Variants in TEK observed in about 807,000 individuals in gnomAD.
TEK encodes the protein angiopoietin-1 receptor.
Under a neutral mutation model 131.8 loss-of-function variants are expected in TEK, and 43 were observed. The observed-to-expected ratio is 0.33, with a 90% CI of 0.26 to 0.42. The LOEUF (loss-of-function observed/expected upper bound fraction) is 0.42. Among genes scored for constraint, TEK ranks in the 10% least tolerant of loss-of-function variants. The probability of loss-of-function intolerance (pLI) is 1.00; values close to 1 mark genes in which losing one functional copy is unlikely to be tolerated. For synonymous variants in TEK, 580 were observed against 491.6 expected, an observed-to-expected ratio of 1.18 and a Z score of -2.38; for missense variants, 1,162 against 1,384.4, an observed-to-expected ratio of 0.84 and a Z score of 2.55.
chr9:27,214,418 T>A (rs1209119779), intron 18 of TEK, among the ~76,000 whole-genome samples: 4 of 152,176 alleles, frequency 2.6e-5, no homozygotes, highest in African/African-American at 9.7e-5. Flanking sequence ...CATTACTTGG[T>A]CCCAGCTTTC....
intron 1 of TEK, among the ~76,000 whole-genome samples, chr9:27,137,897 G>T (rs576922153): frequency 6.6e-6 from 1 of 152,120 alleles, no homozygotes; most frequent in African/African-American, 2.4e-5. Context: ...GGACCCTTGC[G>T]GTGAGTGTTA....
At chr9:27,153,704 A>T (rs1481631734) in intron 1 of TEK, among the ~76,000 whole-genome samples, 1 of 152,238 alleles carries the variant, frequency 6.6e-6, no homozygotes, top group Non-Finnish European at 1.5e-5. Context: ...TATTAAGCAG[A>T]GAGATTGATA....
chr9:27,173,090 A>C (rs1409461693), intron 5 of TEK, 132 bp from the exon 6 acceptor site: 1 of 1,234,524 alleles, frequency 8.1e-7, no homozygotes, highest in Non-Finnish European at 1.2e-6. Context: ...GGGTATGTTC[A>C]TCCTACCATG....
chr9:27,159,266 C>T (rs1823456829), intron 2 of TEK, among the ~76,000 whole-genome samples: 1 of 152,046 alleles, frequency 6.6e-6, no homozygotes, highest in African/African-American at 2.4e-5. Context: ...TTTTTTGTAC[C>T]ACTGCCATCT....
At chr9:27,114,305 G>C (rs186804915) in intron 1 of TEK, among the ~76,000 whole-genome samples, 10 of 152,322 alleles carry the variant, frequency 6.6e-5, no homozygotes, top group Non-Finnish European at 1.3e-4. Flanking sequence ...AGGCACGTTG[G>C]CTGATGCCTG....
In TEK at chr9:27,192,543, T is replaced by C; in HGVS notation, c.1544T>C (p.Leu515Pro). ...TTGGAACCTCGGACAGAATATGAAC[T>C]CTGTGTGCAACTGGTCCGTCGTGGA... is the stretch of plus-strand genomic sequence containing the variant. ...NYLEPRTEYE[L>P]CVQLVRRGEG... The change falls in exon 11 of 23, where the codon CTC becomes CCC. Residue 515 changes from leucine to proline, a missense_variant. Leu to Pro is a moderately conservative substitution (Grantham distance 98, BLOSUM62 -3). Transcript: ENST00000380036. The C allele has an allele frequency of 6.2e-7, 1 of 1,613,972 alleles. No homozygotes were observed. Among genetic ancestry groups the C allele is most frequent in the Non-Finnish European group, 8.5e-7 (1 of 1,179,930 alleles).
chr9:27,222,791 G>A (rs985397577), intron 21 of TEK, among the ~76,000 whole-genome samples: 1 of 152,086 alleles, frequency 6.6e-6, no homozygotes, highest in Non-Finnish European at 1.5e-5. Context: ...ACACTACAAA[G>A]AAACTGCATC....
At chr9:27,132,136 G>T (rs1405898520) in intron 1 of TEK, among the ~76,000 whole-genome samples, 3 of 146,936 alleles carry the variant, frequency 2.0e-5, no homozygotes, top group Non-Finnish European at 3.0e-5. Flanking sequence ...CGCCCAGGCT[G>T]CAGTGCAGTG....
rs538204894 is a variant in TEK, at chr9:27,217,560, G to A, written c.2992-128G>A. 22 of 787,360 alleles carry A rather than the reference G, an allele frequency of 2.8e-5. 1 individual carries two copies. Among genetic ancestry groups the A allele is most frequent in the Middle Eastern group, 4.5e-4 (2 of 4,434 alleles). 48.8% of individuals were successfully genotyped at this position (787,360 alleles called of 1,614,324 possible). A position where few individuals can be genotyped will look rare whatever the true frequency, so the allele number is the denominator to read the frequency against. The stretch of plus-strand genomic sequence containing the variant: ...TTGAAATTTGAAAACACATGTAGCT[G>A]GGACATACACAAAGCAATGATTTCT... On this transcript the variant is annotated intron_variant, in intron 18 of 22. Coordinates refer to ENST00000380036, the MANE Select transcript of TEK (RefSeq NM_000459.5).
intron 12 of TEK, among the ~76,000 whole-genome samples, chr9:27,200,070 C>T (rs1013699022): frequency 6.6e-6 from 1 of 152,034 alleles, no homozygotes; most frequent in Non-Finnish European, 1.5e-5. Flanking sequence ...CTTATTTATT[C>T]ACATATGGCA....
chr9:27,133,664 GA>G, intron 1 of TEK, among the ~76,000 whole-genome samples: 1 of 152,128 alleles, frequency 6.6e-6, no homozygotes, highest in South Asian at 2.1e-4. Context: ...TTGCTTTATG[GA>G]GCTCGAGGGG....
At chr9:27,161,392 T>G (rs1336671984) in intron 2 of TEK, among the ~76,000 whole-genome samples, 1 of 152,258 alleles carries the variant, frequency 6.6e-6, no homozygotes, top group Non-Finnish European at 1.5e-5. Context: ...ATTGTTTTGT[T>G]TTAAATAAGT....
At chr9:27,181,841 A>C (rs368185655) in intron 7 of TEK, among the ~76,000 whole-genome samples, 34 of 152,312 alleles carry the variant, frequency 2.2e-4, no homozygotes, top group African/African-American at 6.7e-4. Context: ...CAATCATATA[A>C]ATATAAATGC....
At chr9:27,144,234 A>C (rs1564057550) in intron 1 of TEK, among the ~76,000 whole-genome samples, 1 of 152,186 alleles carries the variant, frequency 6.6e-6, no homozygotes, top group Admixed American at 6.5e-5. Context: ...GTGAGCCGAG[A>C]TCACGCCACT....
At chr9:27,222,170 C>G (rs1004726402) in intron 21 of TEK, among the ~76,000 whole-genome samples, 1 of 151,978 alleles carries the variant, frequency 6.6e-6, no homozygotes. Context: ...AGCATGAAGA[C>G]AAGATTAGAG....
In TEK at chr9:27,117,209, A is replaced by T. The variant is rs943504926; in HGVS notation, c.52+7567A>T. Among the ~76,000 whole-genome samples, 20 of 152,102 alleles carry T rather than the reference A, an allele frequency of 1.3e-4. 1 individual carries two copies. Among genetic ancestry groups the T allele is most frequent in the African/African-American group, 4.8e-4 (20 of 41,408 alleles). ...GACAGTAAGATGGGGCAGCAGAGTA[A>T]CAGCCTCCGGGCCTGACACTGGAGC... On this transcript the variant is annotated intron_variant, in intron 1 of 22. Transcript: ENST00000380036.
At chr9:27,170,960 G>A (rs138363835) in intron 4 of TEK, among the ~76,000 whole-genome samples, 6 of 152,262 alleles carry the variant, frequency 3.9e-5, no homozygotes, top group African/African-American at 9.6e-5. Context: ...TCACTGAAAC[G>A]TGTCTGCTCT....
rs535858238 is a variant in TEK at position 27,211,905 on chromosome 9, C to T, written c.2687-802C>T. On this transcript the variant is annotated intron_variant, in intron 16 of 22. Coordinates refer to ENST00000380036, the MANE Select transcript of TEK (RefSeq NM_000459.5). Reference sequence around the variant, plus strand: ...TCGATGTTTTTAGCAAGTAAATTCCCTTTAAAAAAATTTTCGCAAGGGGAT... The same window carrying T: ...TCGATGTTTTTAGCAAGTAAATTCCTTTTAAAAAAATTTTCGCAAGGGGAT... Among the ~76,000 whole-genome samples, 5 of 151,458 alleles carry T rather than the reference C, an allele frequency of 3.3e-5. No homozygotes were observed. In the South Asian group the frequency reaches 1.0e-3, roughly 31 times the overall value.
chr9:27,191,722 C>A lies in TEK; in HGVS notation c.1490-767C>A, dbSNP rs569665774. On this transcript the variant is annotated intron_variant, in intron 10 of 22. Transcript: ENST00000380036. ...TAGATTCTATCAAAATTCAGAATTC[C>A]AGGGATGTCAGGCTGATTTGCTGAA... Among the ~76,000 whole-genome samples the A allele has an allele frequency of 7.4e-4, 113 of 152,244 alleles. 1 individual carries two copies. The highest frequency in any genetic ancestry group is 5.9e-5 in the Non-Finnish European group (4 of 68,020).
Sources: gnomAD v4.1 joint callset for allele counts (sites outside exome capture counted in the v4.1 genomes callset) on GRCh38, gnomAD v4.1.1 for gene constraint, MANE v1.5 for transcripts, NCBI Gene and HGNC (gene_info 2026-07-23, HGNC 2026-07-21) for gene names.